The following KANK1 variants were observed in gnomAD, a reference collection of about 807,000 sequenced individuals.
KANK1 encodes the protein KN motif and ankyrin repeat domain-containing protein 1.
Under a neutral mutation model 106.2 loss-of-function variants are expected in KANK1, and 109 were observed. That is an observed-to-expected ratio of 1.03 (90% confidence interval 0.88 to 1.20). The LOEUF (loss-of-function observed/expected upper bound fraction) is 1.20, where lower values mean the gene tolerates loss of function less well. Ranked by LOEUF, KANK1 falls within the 50% of genes most tolerant of loss-of-function variation. The probability of loss-of-function intolerance (pLI) is 0.00; values close to 1 mark genes in which losing one functional copy is unlikely to be tolerated. For missense variants in KANK1, 2,399 were observed against 1,710.7 expected (o/e 1.40, Z -7.10); for synonymous variants, 873 against 652.2 (o/e 1.34, Z -5.16).
Position 613,132 on chromosome 9 carries a change from C to T in KANK1, c.-83-63758C>T, listed in dbSNP as rs141336804. ...TACTGTAAAAGATCTTGTAAGTAGACCAGAATAGGCCAGTAATTTGGCTCC... is the reference window on the plus strand; with the variant it reads ...TACTGTAAAAGATCTTGTAAGTAGATCAGAATAGGCCAGTAATTTGGCTCC... On this transcript the variant is annotated intron_variant, in intron 1 of 11. Coordinates refer to ENST00000382297, the MANE Select transcript of KANK1 (RefSeq NM_015158.5). 4.5e-3 allele frequency among the ~76,000 whole-genome samples: 676 copies of T among 151,880 alleles called. 12 individuals are homozygous for T. Among genetic ancestry groups the T allele is most frequent in the African/African-American group, 0.015 (629 of 41,416 alleles).
intron 1 of KANK1, among the ~76,000 whole-genome samples, chr9:642,977 C>G (rs932584755): frequency 9.3e-5 from 14 of 150,448 alleles, no homozygotes; most frequent in African/African-American, 3.0e-4. Context: ...TCCTTTTCTT[C>G]TACTTTATAG....
intron 1 of KANK1, among the ~76,000 whole-genome samples, chr9:517,397 C>T (rs1325695217): frequency 1.3e-5 from 2 of 151,750 alleles, no homozygotes; most frequent in African/African-American, 2.4e-5. Context: ...CCACTGCGGC[C>T]CGGCTGCAAG....
At position 497,106 on chromosome 9, in the gene KANK1, G is replaced by GTCCTT. The variant is rs992720340; in HGVS notation, c.-362+23846_-362+23850dup. On this transcript the variant is annotated intron_variant, in intron 3 of 15. Coordinates refer to the KANK1 transcript ENST00000382303. ...ATAACTAAAGCAAATGAACCAATGT[G>GTCCTT]TCCTTTCCTTTCCTTTCAAACAGTT... Among the ~76,000 whole-genome samples, 52 of 152,234 alleles carry GTCCTT rather than the reference G, an allele frequency of 3.4e-4. 1 individual carries two copies. Among genetic ancestry groups the GTCCTT allele is most frequent in the African/African-American group, 1.2e-3 (51 of 41,538 alleles).
chr9:715,706 A>G (rs1463461509), intron 3 of KANK1, among the ~76,000 whole-genome samples: 5 of 152,242 alleles, frequency 3.3e-5, no homozygotes, highest in Admixed American at 2.0e-4. Flanking sequence ...TTTAGTCACA[A>G]TGGCAGCCCC....
Position 654,812 on chromosome 9 carries a change from TGTGAGAGAGAGA to T in KANK1, c.-83-22076_-83-22065del, listed in dbSNP as rs1277122206. ...CACAATATGCATTTGTGTGTGTGTG[TGTGAGAGAGAGA>T]GAGAGAGAGAGAGAGAGAGAGAGAT... On this transcript the variant is annotated intron_variant, in intron 1 of 11. Transcript: ENST00000382297. Among the ~76,000 whole-genome samples, 255 of 134,836 alleles carry T rather than the reference TGTGAGAGAGAGA, an allele frequency of 1.9e-3. 1 individual carries two copies. Among genetic ancestry groups the T allele is most frequent in the African/African-American group, 7.3e-3 (209 of 28,482 alleles). The allele number at this position is 134,836 out of a possible 152,430, so 88.5% of individuals were successfully genotyped here.
intron 1 of KANK1, among the ~76,000 whole-genome samples, chr9:634,188 C>A (rs752067058): frequency 9.5e-4 from 145 of 152,272 alleles, no homozygotes; most frequent in Non-Finnish European, 1.8e-3. Context: ...ATCAATCTCC[C>A]CAAAGGCTCA....
At chr9:564,062 CTTTT>C (rs34396017) in intron 1 of KANK1, among the ~76,000 whole-genome samples, 1 of 140,248 alleles carries the variant, frequency 7.1e-6, no homozygotes, top group Non-Finnish European at 1.6e-5. Flanking sequence ...CACTTTCTTT[CTTTT>C]TTTTTTTTTT....
At chr9:609,686 C>G (rs1037576475) in intron 1 of KANK1, among the ~76,000 whole-genome samples, 3 of 152,018 alleles carry the variant, frequency 2.0e-5, no homozygotes, top group African/African-American at 7.3e-5. Flanking sequence ...ATTGATCCTG[C>G]TAACATATTT....
At chr9:560,218 T>G (rs1248133181) in intron 1 of KANK1, among the ~76,000 whole-genome samples, 1 of 152,222 alleles carries the variant, frequency 6.6e-6, no homozygotes, top group African/African-American at 2.4e-5. Context: ...AGAGAGAATT[T>G]GGGTAATGTT....
In KANK1 at chr9:713,291, C is replaced by T. The variant is rs1238380516; in HGVS notation, c.2525C>T (p.Ala842Val). Residue 842 changes from alanine to valine, a missense_variant, in exon 3 of 12, where the codon GCT becomes GTT. Ala to Val is a moderately conservative substitution (Grantham distance 64). Coordinates refer to ENST00000382297, the MANE Select transcript of KANK1 (RefSeq NM_015158.5). Reference protein sequence around the residue: ...KLLAEQQTLLAENYSELAEAF... With the variant: ...KLLAEQQTLLVENYSELAEAF... ...CTGGCAGAACAGCAGACACTGCTGG[C>T]TGAGAACTACAGTGAACTGGCAGAA... is the stretch of plus-strand genomic sequence containing the variant. The T allele has an allele frequency of 6.2e-7, 1 of 1,613,800 alleles. No homozygotes were observed. The highest frequency in any genetic ancestry group is 8.5e-7 in the Non-Finnish European group (1 of 1,179,900).
At chr9:618,468 A>C (rs966943738) in intron 1 of KANK1, among the ~76,000 whole-genome samples, 1 of 152,184 alleles carries the variant, frequency 6.6e-6, no homozygotes, top group Non-Finnish European at 1.5e-5. Context: ...TCAGCCTCCC[A>C]AAGTGCTTAG....
At chr9:564,977 C>T (rs116549714) in intron 1 of KANK1, among the ~76,000 whole-genome samples, 58 of 152,038 alleles carry the variant, frequency 3.8e-4, no homozygotes, top group Admixed American at 3.6e-3. Flanking sequence ...GTGTGCAGGG[C>T]GGCTTCACTG....
At chr9:666,621 G>A (rs115181551) in intron 1 of KANK1, among the ~76,000 whole-genome samples, 8,066 of 152,054 alleles carry the variant, frequency 0.053, 232 homozygotes, top group African/African-American at 0.066. Flanking sequence ...TGTTTCCTCT[G>A]TACCCGGTTT....
chr9:708,331 G>A (rs1332812454), intron 2 of KANK1, among the ~76,000 whole-genome samples: 1 of 152,250 alleles, frequency 6.6e-6, no homozygotes, highest in South Asian at 2.1e-4. Context: ...TCCATGTGGA[G>A]ATGAAAGTTA....
intron 3 of KANK1, among the ~76,000 whole-genome samples, chr9:483,488 G>A (rs2058242225): frequency 6.6e-6 from 1 of 152,156 alleles, no homozygotes; most frequent in African/African-American, 2.4e-5. Flanking sequence ...TCTGATTTCT[G>A]TTACCATAGG....
intron 1 of KANK1, among the ~76,000 whole-genome samples, chr9:629,335 G>T (rs550925164): frequency 2.0e-5 from 3 of 152,014 alleles, no homozygotes; most frequent in African/African-American, 7.3e-5. Context: ...AGTGGGTCAC[G>T]AGTCACTCTC....
chr9:741,769 G>C (rs550159354), intron 9 of KANK1, among the ~76,000 whole-genome samples: 4 of 152,162 alleles, frequency 2.6e-5, no homozygotes, highest in South Asian at 4.2e-4. Context: ...TTACAGGCGT[G>C]AGCTACTGCG....
Position 742,361 on chromosome 9 carries a change from C to T in KANK1, c.3853C>T (p.Leu1285=), listed in dbSNP as rs370980453. ...SEHGHVEIVK[L]LLAQPGCNGH... ...GCACGGACACGTGGAGATTGTCAAG[C>T]TGCTGCTGGCCCAGCCCGGCTGCAA... Residue 1285 remains leucine (L), a synonymous_variant, in exon 10 of 12, where the codon CTG becomes TTG. Coordinates refer to ENST00000382297, the MANE Select transcript of KANK1 (RefSeq NM_015158.5). 4 of 1,613,826 alleles carry T rather than the reference C, an allele frequency of 2.5e-6. No individual in the cohort carries two copies. The highest frequency in any genetic ancestry group is 3.4e-6 in the Non-Finnish European group (4 of 1,179,762).
chr9:489,794 T>C (rs534734452), intron 3 of KANK1, among the ~76,000 whole-genome samples: 2 of 152,330 alleles, frequency 1.3e-5, no homozygotes, highest in South Asian at 4.1e-4. Context: ...AATGAGACTG[T>C]TATTGGCAAT....
Sources: gnomAD v4.1 joint callset for allele counts (sites outside exome capture counted in the v4.1 genomes callset) on GRCh38, gnomAD v4.1.1 for gene constraint, MANE v1.5 for transcripts, NCBI Gene and HGNC (gene_info 2026-07-23, HGNC 2026-07-21) for gene names.